Variants in GOLGA4 observed in about 807,000 individuals in gnomAD.
GOLGA4 encodes the protein golgin subfamily A member 4.
A neutral mutation model predicts 265.9 loss-of-function variants in GOLGA4; 169 were observed. The ratio of observed to expected loss-of-function variants is 0.64; its 90% CI spans 0.56 to 0.72. The LOEUF (loss-of-function observed/expected upper bound fraction) is 0.72, where lower values mean the gene tolerates loss of function less well. Among genes scored for constraint, GOLGA4 ranks in the 30% least tolerant of loss-of-function variants. The pLI is 0.00. For missense variants in GOLGA4, 2,482 were observed against 2,483.4 expected, an observed-to-expected ratio of 1.00 and a Z score of 0.01; for synonymous variants, 923 against 855.8, an observed-to-expected ratio of 1.08 and a Z score of -1.37.
intron 21 of GOLGA4, among the ~76,000 whole-genome samples, chr3:37,352,965 G>A (rs1003469665): frequency 2.6e-5 from 4 of 152,060 alleles, no homozygotes; most frequent in African/African-American, 9.7e-5. Flanking sequence ...AGGCATGCGA[G>A]TCTTCCTTTT....
At chr3:37,363,223 A>G (rs976674806) in intron 23 of GOLGA4, among the ~76,000 whole-genome samples, 6 of 152,212 alleles carry the variant, frequency 3.9e-5, no homozygotes, top group Admixed American at 2.6e-4. Context: ...TGGCAGTACA[A>G]TGCATGGTTT....
intron 16 of GOLGA4, among the ~76,000 whole-genome samples, chr3:37,334,033 G>A (rs1045601019): frequency 3.3e-5 from 5 of 152,180 alleles, no homozygotes; most frequent in Non-Finnish European, 7.3e-5. Flanking sequence ...GCAAACACTT[G>A]CCCTCATTAC....
At chr3:37,350,178 T>C (rs2097069495) in intron 21 of GOLGA4, among the ~76,000 whole-genome samples, 1 of 152,184 alleles carries the variant, frequency 6.6e-6, no homozygotes, top group South Asian at 2.1e-4. Flanking sequence ...GGATATTGTA[T>C]GTAGAGTAGA....
intron 17 of GOLGA4, among the ~76,000 whole-genome samples, chr3:37,335,918 C>T (rs1279242706): frequency 1.6e-4 from 25 of 152,192 alleles, no homozygotes; most frequent in Admixed American, 1.6e-3. Context: ...AATGTTCTCA[C>T]TCATCCAGGA....
At chr3:37,361,177 C>A in intron 22 of GOLGA4, 66 bp from the exon 23 acceptor site, 1 of 1,150,578 alleles carries the variant, frequency 8.7e-7, no homozygotes, top group African/African-American at 1.5e-5. Flanking sequence ...TATACACATA[C>A]AATCTATGTG....
Position 37,327,291 on chromosome 3 carries a change from A to C in GOLGA4, c.5405A>C (p.Glu1802Ala). The stretch of plus-strand genomic sequence containing the variant: ...ATAGGTCATCTTCAAGAGGAGCTTG[A>C]AGAAAAAAACAAGAAATATTCCTTG... ...SMIGHLQEEL[E>A]EKNKKYSLIV... The change falls in exon 14 of 24, where the codon GAA (glutamate) becomes GCA (alanine). Residue 1802 changes from glutamate to alanine, a missense_variant. Physicochemically the swap from Glu to Ala is moderately radical, Grantham distance 107. Transcript: ENST00000361924. 1 of 1,613,762 alleles carries C rather than the reference A, an allele frequency of 6.2e-7. No individual in the cohort carries two copies. The highest frequency in any genetic ancestry group is 8.5e-7 in the Non-Finnish European group (1 of 1,179,788).
At chr3:37,279,430 C>G (rs759599270) in intron 2 of GOLGA4, among the ~76,000 whole-genome samples, 1 of 152,198 alleles carries the variant, frequency 6.6e-6, no homozygotes, top group Non-Finnish European at 1.5e-5. Flanking sequence ...CAGGCATACC[C>G]AGATTCTCTC....
At position 37,294,446 on chromosome 3, in the gene GOLGA4, C is replaced by T. The variant is rs1056081271; in HGVS notation, c.583-533C>T. On this transcript the variant is annotated intron_variant, in intron 5 of 23. Transcript: ENST00000361924. ...TATTACCCAGGCTGGAGTGCAGTGGCAAGCCTCAACTCACTGCAACCTCTT... is the reference window on the plus strand; with the variant it reads ...TATTACCCAGGCTGGAGTGCAGTGGTAAGCCTCAACTCACTGCAACCTCTT... Among the ~76,000 whole-genome samples, 5 of 147,816 alleles carry T rather than the reference C, an allele frequency of 3.4e-5. No individual in the cohort carries two copies. In the Admixed American group the frequency reaches 3.4e-4, roughly 10 times the overall value.
At chr3:37,253,560 G>A (rs1222164151) in intron 2 of GOLGA4, among the ~76,000 whole-genome samples, 1 of 151,970 alleles carries the variant, frequency 6.6e-6, no homozygotes, top group East Asian at 1.9e-4. Flanking sequence ...CTCTTAGCTA[G>A]GATTGTTAAT....
chr3:37,253,287 C>A (rs1398204348), intron 2 of GOLGA4, among the ~76,000 whole-genome samples: 2 of 151,136 alleles, frequency 1.3e-5, no homozygotes, highest in Non-Finnish European at 2.9e-5. Context: ...CATTTCCCAT[C>A]CCTGACAGTA....
At chr3:37,303,716 C>T (rs745391484) in intron 10 of GOLGA4, among the ~76,000 whole-genome samples, 1 of 152,164 alleles carries the variant, frequency 6.6e-6, no homozygotes, top group Non-Finnish European at 1.5e-5. Context: ...TTAAGTTTTA[C>T]AGTAGTAGTA....
intron 1 of GOLGA4, among the ~76,000 whole-genome samples, chr3:37,247,565 A>C (rs1316796475): frequency 2.0e-5 from 3 of 152,230 alleles, no homozygotes; most frequent in Non-Finnish European, 2.9e-5. Context: ...TGACTGGATT[A>C]GTTTTCTAAT....
In GOLGA4 at chr3:37,365,526, C is replaced by T. The variant is rs528361298; in HGVS notation, c.*34-554C>T. On this transcript the variant is annotated intron_variant, in intron 23 of 23. Coordinates refer to ENST00000361924, the MANE Select transcript of GOLGA4 (RefSeq NM_002078.5). ...CAAGTGATCTTTCCACCTTGGCCTT[C>T]CAAAGTGCTAGGATTATAGGCATGA... 3.8e-4 allele frequency among the ~76,000 whole-genome samples: 57 copies of T among 151,188 alleles called. No homozygotes were observed. In the South Asian group the frequency reaches 0.012, roughly 31 times the overall value.
In GOLGA4 at chr3:37,323,804, A is replaced by G. The variant is rs774916774; in HGVS notation, c.1918A>G (p.Thr640Ala). The change falls in exon 14 of 24, where the codon ACT becomes GCT. Residue 640 changes from threonine to alanine, a missense_variant. By Grantham distance (58) the Thr-to-Ala change is moderately conservative (BLOSUM62 0). Coordinates refer to ENST00000361924, the MANE Select transcript of GOLGA4 (RefSeq NM_002078.5). ...KLQVLKQQYQTEMEKLREKCE... is the reference protein window; with the variant it reads ...KLQVLKQQYQAEMEKLREKCE... ...CCAAGTCTTAAAGCAACAATATCAG[A>G]CTGAAATGGAAAAACTTAGGGAAAA... 1 of 1,609,560 alleles carries G rather than the reference A, an allele frequency of 6.2e-7. No homozygotes were observed. The highest frequency in any genetic ancestry group is 1.3e-5 in the African/African-American group (1 of 74,510).
At chr3:37,276,266 C>T (rs1049359472) in intron 2 of GOLGA4, 41 of 1,562,334 alleles carry the variant, frequency 2.6e-5, no homozygotes, top group African/African-American at 4.1e-5. Context: ...AAATAGAGTA[C>T]GAAGTAGGAT....
At chr3:37,320,312 C>T (rs1237744197) in intron 12 of GOLGA4, 2 of 151,700 alleles carry the variant, frequency 1.3e-5, no homozygotes, top group Admixed American at 1.3e-4. Context: ...AATTATTATC[C>T]GTAAGATAAT....
chr3:37,363,899 G>A (rs1445828602), intron 23 of GOLGA4, among the ~76,000 whole-genome samples: 3 of 152,068 alleles, frequency 2.0e-5, no homozygotes, highest in Admixed American at 6.6e-5. Flanking sequence ...CAGCATTGTT[G>A]AACTGATCTT....
At chr3:37,284,326 G>A (rs1234281806) in intron 3 of GOLGA4, among the ~76,000 whole-genome samples, 7 of 151,996 alleles carry the variant, frequency 4.6e-5, no homozygotes, top group African/African-American at 1.7e-4. Flanking sequence ...GTTCAGTGGC[G>A]TGATCTCGGC....
At position 37,282,140 on chromosome 3, in the gene GOLGA4, T is replaced by C. The variant is rs1192960392; in HGVS notation, c.345T>C (p.Asp115=). The C allele has an allele frequency of 6.2e-7, 1 of 1,614,200 alleles. No individual in the cohort carries two copies. ...LDLDSSTASF[D]PPSDMDSEAE... ...TGGACAGTTCTACTGCCAGTTTTGA[T>C]CCACCCTCTGATATGGATAGCGAGG... The change falls in exon 3 of 24, where the codon GAT becomes GAC. Residue 115 remains aspartate (D), a synonymous_variant. Transcript: ENST00000361924.
Sources: allele counts gnomAD v4.1 joint callset (sites outside exome capture counted in the v4.1 genomes callset), GRCh38; gene constraint gnomAD v4.1.1; transcripts MANE v1.5; gene names NCBI Gene and HGNC (gene_info 2026-07-23, HGNC 2026-07-21).